The following CXADR variants were observed in gnomAD, a reference collection of about 807,000 sequenced individuals.
CXADR encodes coxsackievirus and adenovirus receptor.
Under a neutral mutation model 40.3 loss-of-function variants are expected in CXADR, and 20 were observed. The observed-to-expected ratio is 0.50, with a 90% CI of 0.35 to 0.72. CXADR has a LOEUF of 0.72. CXADR is among the 30% of genes least tolerant of loss of function. The pLI is 0.01. For missense variants in CXADR, 332 were observed against 449.1 expected (o/e 0.74, Z 2.36); for synonymous variants, 150 against 161.3 (o/e 0.93, Z 0.53).
At chr21:17,607,412 AGAGAT>A in the CXADR span, among the ~76,000 whole-genome samples, 7 of 152,336 alleles carry the variant, frequency 4.6e-5, no homozygotes, top group South Asian at 1.4e-3. Flanking sequence ...AAGATAATCA[AGAGAT>A]AAGATAAAAA....
the CXADR span, among the ~76,000 whole-genome samples, chr21:17,608,313 C>A: frequency 2.0e-5 from 3 of 151,470 alleles, no homozygotes; most frequent in African/African-American, 7.3e-5. Context: ...TTTGAGGCTG[C>A]AGTGAGCTAT....
rs116550927 is a variant in CXADR at position 17,566,492 on chromosome 21, G to A, written c.*800G>A. 17 of 985,380 alleles carry A rather than the reference G, an allele frequency of 1.7e-5. No individual in the cohort carries two copies. The South Asian group carries it at 5.6e-4, about 33-fold the overall frequency. 61.0% of individuals were successfully genotyped at this position (985,380 alleles called of 1,614,324 possible). On this transcript the variant is annotated 3_prime_UTR_variant, in exon 7 of 7. Transcript: ENST00000284878. ...GTAGTCTCATGCCTTGAGATCTGTGGTGGTCTTCAAAATGGTGGCCAGCCA... is the reference window on the plus strand; with the variant it reads ...GTAGTCTCATGCCTTGAGATCTGTGATGGTCTTCAAAATGGTGGCCAGCCA...
rs2061257369 is a variant in CXADR, at chr21:17,569,502, T to A, written c.*3810T>A. 1 of 985,198 alleles carries A rather than the reference T, an allele frequency of 1.0e-6. No individual in the cohort carries two copies. Among genetic ancestry groups the A allele is most frequent in the Non-Finnish European group, 1.2e-6 (1 of 829,916 alleles). 61.0% of individuals were successfully genotyped at this position (985,198 alleles called of 1,614,324 possible). ...CATCATGTTCTGCAATAGGATTTCT[T>A]ACTCATTTACCTATTTTAACACTAA... is the stretch of plus-strand genomic sequence containing the variant. On this transcript the variant is annotated 3_prime_UTR_variant, in exon 7 of 7. Coordinates refer to ENST00000284878, the MANE Select transcript of CXADR (RefSeq NM_001338.5).
intron 1 of CXADR, among the ~76,000 whole-genome samples, chr21:17,526,903 G>A (rs1030284604): frequency 1.3e-5 from 2 of 152,056 alleles, no homozygotes; most frequent in East Asian, 1.9e-4. Flanking sequence ...GAAGAGAAGC[G>A]AGCTGCAAGT....
intron 3 of CXADR, among the ~76,000 whole-genome samples, chr21:17,553,364 A>G (rs2060993921): frequency 6.6e-6 from 1 of 152,200 alleles, no homozygotes; most frequent in Non-Finnish European, 1.5e-5. Flanking sequence ...GTCTTGGTAG[A>G]TAGACTCTGC....
intron 6 of CXADR, among the ~76,000 whole-genome samples, chr21:17,562,351 G>A (rs2739394): frequency 0.48 from 72,465 of 152,042 alleles, 20,818 homozygotes; most frequent in Non-Finnish European, 0.63. Flanking sequence ...ACAAGGTCTC[G>A]CTCTCTGTTG....
chr21:17,527,308 CTG>C (rs2060609451), intron 1 of CXADR: 1 of 152,146 alleles, frequency 6.6e-6, no homozygotes, highest in Non-Finnish European at 1.5e-5. Context: ...TTGAGTATGT[CTG>C]TGTGCTAGTG....
chr21:17,571,742 G>A (rs901504120), downstream of CXADR, among the ~76,000 whole-genome samples: 1 of 152,184 alleles, frequency 6.6e-6, no homozygotes, highest in Non-Finnish European at 1.5e-5. Flanking sequence ...AGGGGGAAAA[G>A]TTGCTACTCT....
chr21:17,633,510 G>C, the CXADR span, among the ~76,000 whole-genome samples: 14 of 152,142 alleles, frequency 9.2e-5, no homozygotes, highest in African/African-American at 2.7e-4. Context: ...AGCTGTGATC[G>C]TGCCACTGCA....
At chr21:17,588,130 A>T (rs1021593596) in intron 7 of CXADR, among the ~76,000 whole-genome samples, 3 of 152,180 alleles carry the variant, frequency 2.0e-5, no homozygotes, top group Non-Finnish European at 4.4e-5. Flanking sequence ...TGTTTTGGTT[A>T]CTGTAGGCTT....
At chr21:17,561,003 A>G (rs750835670) in intron 5 of CXADR, among the ~76,000 whole-genome samples, 179 bp downstream of exon 5, 14 of 152,194 alleles carry the variant, frequency 9.2e-5, no homozygotes, top group Non-Finnish European at 1.9e-4. Context: ...CATAATTGCA[A>G]TGATATATTA....
downstream of CXADR, chr21:17,593,883 T>A: frequency 1.6e-6 from 1 of 616,256 alleles, no homozygotes; most frequent in Non-Finnish European, 2.6e-6. Flanking sequence ...GGCACTTGAC[T>A]AACTTTAATA....
chr21:17,521,442 C>T (rs929509448), intron 1 of CXADR, among the ~76,000 whole-genome samples: 2 of 152,176 alleles, frequency 1.3e-5, no homozygotes, highest in South Asian at 2.1e-4. Flanking sequence ...CCTGCCTCAG[C>T]GTCCCGAGTA....
chr21:17,559,207 G>C, intron 4 of CXADR, 76 bp downstream of exon 4: 1 of 1,478,028 alleles, frequency 6.8e-7, no homozygotes, highest in South Asian at 1.2e-5. Context: ...TGTGTGATTT[G>C]AGATAGGGCC....
the CXADR span, among the ~76,000 whole-genome samples, chr21:17,630,921 G>A: frequency 6.8e-4 from 103 of 152,114 alleles, no homozygotes; most frequent in Non-Finnish European, 1.6e-4. Context: ...TGCAGAATTC[G>A]AAACGCAGGG....
chr21:17,535,355 C>A (rs1394506021), intron 1 of CXADR, among the ~76,000 whole-genome samples: 1 of 152,024 alleles, frequency 6.6e-6, no homozygotes, highest in Admixed American at 6.6e-5. Context: ...ATCTACCATG[C>A]CTGGCTAATT....
In CXADR at chr21:17,565,881, TAGTAAA is replaced by T; in HGVS notation, c.*190_*195del. On this transcript the variant is annotated 3_prime_UTR_variant, in exon 7 of 7. Transcript: ENST00000284878. The stretch of plus-strand genomic sequence containing the variant: ...TCGAAATAGTTACAGGCACTAAAGT[TAGTAAA>T]GAAAAGTTTACCATCTGAAAAAGCT... The T allele has an allele frequency of 9.5e-6, 12 of 1,260,816 alleles. No homozygotes were observed. Among genetic ancestry groups the T allele is most frequent in the Non-Finnish European group, 1.1e-5 (11 of 1,001,548 alleles). The allele number at this position is 1,260,816 out of a possible 1,614,324, so 78.1% of individuals were successfully genotyped here.
At chr21:17,558,942 C>G in intron 3 of CXADR, 34 bp from the exon 4 acceptor site, 4 of 1,581,038 alleles carry the variant, frequency 2.5e-6, no homozygotes, top group Non-Finnish European at 3.4e-6. Flanking sequence ...GTTCCATTCT[C>G]TTATGTAAAT....
Position 17,566,167 on chromosome 21 carries a change from C to A in CXADR, c.*475C>A, listed in dbSNP as rs9977913. On this transcript the variant is annotated 3_prime_UTR_variant, in exon 7 of 7. Coordinates refer to ENST00000284878, the MANE Select transcript of CXADR (RefSeq NM_001338.5). ...GAAATATCCATGACAAAATTACTTA[C>A]GTATGTTTGTACTTGGTTTTACAGC... 7 of 984,080 alleles carry A rather than the reference C, an allele frequency of 7.1e-6. No individual in the cohort carries two copies. In the Admixed American group the frequency reaches 1.8e-4, roughly 26 times the overall value. 61.0% of individuals were successfully genotyped at this position (984,080 alleles called of 1,614,324 possible). A position where few individuals can be genotyped will look rare whatever the true frequency, so the allele number is the denominator to read the frequency against.
Sources: gnomAD v4.1 joint callset for allele counts (sites outside exome capture counted in the v4.1 genomes callset) on GRCh38, gnomAD v4.1.1 for gene constraint, MANE v1.5 for transcripts, NCBI Gene and HGNC (gene_info 2026-07-23, HGNC 2026-07-21) for gene names.